The following SGTA variants were observed in gnomAD, a reference collection of about 807,000 sequenced individuals.
The protein encoded by SGTA is small glutamine rich tetratricopeptide repeat co-chaperone alpha.
SGTA carries 22 observed loss-of-function variants against 44.3 expected under a neutral mutation model. That is an observed-to-expected ratio of 0.50 (90% confidence interval 0.36 to 0.71). The LOEUF (loss-of-function observed/expected upper bound fraction) is 0.71, where lower values mean the gene tolerates loss of function less well. SGTA is among the 30% of genes least tolerant of loss of function. The pLI is 0.00. For missense variants in SGTA, 341 were observed against 435.9 expected (o/e 0.78, Z 1.94); for synonymous variants, 174 against 177.6 (o/e 0.98, Z 0.16).
At chr19:2,776,596 G>A (rs1915450796) in intron 1 of SGTA, among the ~76,000 whole-genome samples, 1 of 152,174 alleles carries the variant, frequency 6.6e-6, no homozygotes, top group South Asian at 2.1e-4. Flanking sequence ...AGAAACTTCT[G>A]GAGATGATGG....
intron 5 of SGTA, among the ~76,000 whole-genome samples, chr19:2,764,240 C>A (rs985628114): frequency 2.0e-5 from 3 of 152,158 alleles, no homozygotes; most frequent in African/African-American, 7.2e-5. Flanking sequence ...CCATGACAGG[C>A]GGCCAGGAAC....
At chr19:2,782,620 G>T (rs963525117) in intron 1 of SGTA, 2 of 152,224 alleles carry the variant, frequency 1.3e-5, no homozygotes, top group Non-Finnish European at 2.9e-5. Context: ...CTGAATCCCA[G>T]ATTTCCCCCA....
At position 2,761,674 on chromosome 19, in the gene SGTA, AC is replaced by A. The variant is rs1380593035; in HGVS notation, c.637-153del. On this transcript the variant is annotated intron_variant, in intron 7 of 11. Transcript: ENST00000221566. This position sits in a 1 kb window ranked among gnomAD's most constrained non-coding sequence, Gnocchi z 5.7. The stretch of plus-strand genomic sequence containing the variant: ...TGCTTTGAGGCAGGCAGCACGAAGC[AC>A]ATCGCAACCGCCCGGGGACGGCACA... 4 of 671,588 alleles carry A rather than the reference AC, an allele frequency of 6.0e-6. No individual in the cohort carries two copies. The East Asian group carries it at 1.1e-4, about 18-fold the overall frequency. The allele number at this position is 671,588 out of a possible 1,614,324, so 41.6% of individuals were successfully genotyped here.
In SGTA at chr19:2,757,385, C is replaced by G. The variant is rs1397466913; in HGVS notation, c.900G>C (p.Arg300=). 1 of 1,607,138 alleles carries G rather than the reference C, an allele frequency of 6.2e-7. No homozygotes were observed. The highest frequency in any genetic ancestry group is 1.6e-4 in the Middle Eastern group (1 of 6,062). Residue 300 remains arginine, a synonymous_variant, in exon 11 of 12, where the codon CGG becomes CGC. Transcript: ENST00000221566. The part of the protein sequence containing the change: ...ELIEQLRSQI[R]SRTPSASNDD... The stretch of plus-strand genomic sequence containing the variant: ...CGTTGCTGGCGCTGGGCGTCCGACT[C>G]CGGATCTGGCTCCTGAGCTGCTCTA...
intron 6 of SGTA, among the ~76,000 whole-genome samples, chr19:2,762,997 C>A (rs1389192089): frequency 6.6e-6 from 1 of 152,180 alleles, no homozygotes; most frequent in African/African-American, 2.4e-5. Context: ...GCACCAAGGA[C>A]CCTCGGAACC....
chr19:2,757,251 A>G, intron 11 of SGTA, 86 bp downstream of exon 11: 2 of 1,491,818 alleles, frequency 1.3e-6, no homozygotes, highest in Non-Finnish European at 1.8e-6. Flanking sequence ...CCCGGGCGTC[A>G]CTCCTGCTGG....
chr19:2,759,109 A>G (rs9304899), intron 9 of SGTA, 148 bp downstream of exon 9: 185,980 of 649,348 alleles, frequency 0.29, 35,499 homozygotes, highest in East Asian at 0.62. Context: ...ACAGTGTGAT[A>G]GTGGTGACAG....
At chr19:2,759,701 C>T (rs1242791549) in intron 8 of SGTA, among the ~76,000 whole-genome samples, 1 of 152,196 alleles carries the variant, frequency 6.6e-6, no homozygotes, top group East Asian at 1.9e-4. Flanking sequence ...TGGTTCACGC[C>T]TGGAATCCCA....
At position 2,770,538 on chromosome 19, in the gene SGTA, C is replaced by A; in HGVS notation, c.-23-1447G>T. The A allele has an allele frequency of 2.0e-5, 3 of 153,152 alleles. No individual in the cohort carries two copies. The South Asian group carries it at 5.5e-4, about 28-fold the overall frequency. 9.5% of individuals were successfully genotyped at this position (153,152 alleles called of 1,614,324 possible). ...GCTGGCGATGGTGACTCTAAACATTCAGATGTAACAAGCTGCGTGGAGAAG... is the reference window on the plus strand; with the variant it reads ...GCTGGCGATGGTGACTCTAAACATTAAGATGTAACAAGCTGCGTGGAGAAG... On this transcript the variant is annotated intron_variant, in intron 1 of 11. Transcript: ENST00000221566.
chr19:2,767,590 G>A lies in SGTA; in HGVS notation c.197C>T (p.Ala66Val), dbSNP rs767050713. The A allele has an allele frequency of 1.9e-6, 3 of 1,612,672 alleles. No homozygotes were observed. Among genetic ancestry groups the A allele is most frequent in the Non-Finnish European group, 2.5e-6 (3 of 1,179,492 alleles). ...QTLPEIFEAAATGKEMPQDLR... is the reference protein window; with the variant it reads ...QTLPEIFEAAVTGKEMPQDLR... ...AGCATCGAGGCTCACCTTGCCCGTG[G>A]CAGCCGCTTCAAATATCTCCGGCAG... is the stretch of plus-strand genomic sequence containing the variant. Residue 66 changes from alanine to valine, a missense_variant, in exon 3 of 12, where the codon GCC becomes GTC. By Grantham distance (64) the Ala-to-Val change is moderately conservative (BLOSUM62 0). Coordinates refer to ENST00000221566, the MANE Select transcript of SGTA (RefSeq NM_003021.4). This position sits in a 1 kb window ranked among gnomAD's most constrained non-coding sequence, Gnocchi z 7.3.
rs373353319 is a variant in SGTA at position 2,763,631 on chromosome 19, G to A, written c.497+22C>T. On this transcript the variant is annotated intron_variant, in intron 6 of 11. Transcript: ENST00000221566. This position sits in a 1 kb window ranked among gnomAD's most constrained non-coding sequence, Gnocchi z 5.8. ...AGGGGTCCCGAGAGACTGGAAAGGC[G>A]CGGCCGTGGACAGGCACTCACCCCA... 1.7e-5 allele frequency: 26 copies of A among 1,556,350 alleles called. No homozygotes were observed. Among genetic ancestry groups the A allele is most frequent in the African/African-American group, 9.5e-5 (7 of 73,726 alleles).
In SGTA at chr19:2,761,404, G is replaced by T; in HGVS notation, c.699+56C>A. 7.0e-7 allele frequency: 1 copy of T among 1,436,382 alleles called. No homozygotes were observed. Among genetic ancestry groups the T allele is most frequent in the Non-Finnish European group, 9.6e-7 (1 of 1,043,714 alleles). 89.0% of individuals were successfully genotyped at this position (1,436,382 alleles called of 1,614,324 possible). ...CTGGCCAGTAGCGGACACAGCAGAT[G>T]CGGGCCTGGGGGGTGGCGCAGACAC... is the stretch of plus-strand genomic sequence containing the variant. On this transcript the variant is annotated intron_variant, in intron 8 of 11. Transcript: ENST00000221566. The surrounding 1 kb of genome is among the most constrained non-coding windows in gnomAD (Gnocchi z 5.7).
At chr19:2,757,231 C>T in intron 11 of SGTA, 106 bp downstream of exon 11, 1 of 1,378,038 alleles carries the variant, frequency 7.3e-7, no homozygotes, top group Non-Finnish European at 9.8e-7. Context: ...TCCAGACAGG[C>T]TCCACAGCCC....
intron 2 of SGTA, among the ~76,000 whole-genome samples, chr19:2,768,405 G>A (rs73518608): frequency 0.048 from 7,246 of 152,280 alleles, 324 homozygotes; most frequent in South Asian, 0.14. Context: ...GGACACAGGT[G>A]AGCGAGGCAT....
At chr19:2,757,909 T>C (rs528376413) in intron 9 of SGTA, 127 bp from the exon 10 acceptor site, 89 of 606,178 alleles carry the variant, frequency 1.5e-4, no homozygotes, top group African/African-American at 1.5e-3. Context: ...GAGGATTCTC[T>C]CTCACCACCT....
chr19:2,757,705 C>G lies in SGTA; in HGVS notation c.815G>C (p.Ser272Thr), dbSNP rs1250239822. 6.3e-7 allele frequency: 1 copy of G among 1,588,422 alleles called. No homozygotes were observed. The highest frequency in any genetic ancestry group is 8.6e-7 in the Non-Finnish European group (1 of 1,168,820). ...CAGTTCCACTCACGCCTGGATGAGG[C>G]TGGCCAGGTCGTTCTGCGAGGGGCT... ...GTSPSQNDLA[S>T]LIQAGQQFAQ... is the part of the protein sequence containing the mutation. Residue 272 changes from serine to threonine, a missense_variant, in exon 10 of 12, where the codon AGC becomes ACC. Ser to Thr is a moderately conservative substitution (Grantham distance 58). Transcript: ENST00000221566.
At position 2,761,638 on chromosome 19, in the gene SGTA, C is replaced by CG; in HGVS notation, c.637-117dup. 1.2e-6 allele frequency: 1 copy of CG among 850,654 alleles called. No individual in the cohort carries two copies. The highest frequency in any genetic ancestry group is 1.9e-6 in the Non-Finnish European group (1 of 528,896). 52.7% of individuals were successfully genotyped at this position (850,654 alleles called of 1,614,324 possible). A position where few individuals can be genotyped will look rare whatever the true frequency, so the allele number is the denominator to read the frequency against. ...GGGCTCAGACATTCTATCAACCCTGCGGCCAGAGGGTGCTTTGAGGCAGGC... is the reference window on the plus strand; with the variant it reads ...GGGCTCAGACATTCTATCAACCCTGCGGGCCAGAGGGTGCTTTGAGGCAGGC... On this transcript the variant is annotated intron_variant, in intron 7 of 11. Transcript: ENST00000221566. The surrounding 1 kb of genome is among the most constrained non-coding windows in gnomAD (Gnocchi z 5.7).
intron 9 of SGTA, 128 bp downstream of exon 9, chr19:2,759,112 GGTGACAGTTGCATGACA>G (rs1914911863): frequency 1.5e-6 from 1 of 686,852 alleles, no homozygotes; most frequent in Non-Finnish European, 2.5e-6. Context: ...GTGTGATAGT[GGTGACAGTTGCATGACA>G]GTGTGAAAGT....
Position 2,767,655 on chromosome 19 carries a change from C to G in SGTA, c.132G>C (p.Gly44=). ...VAIQCLETAF[G]VTVEDSDLAL... ...CAAGGTCACTGTCTTCTACCGTCACCCCAAACGCAGTCTCCAGGCACTGGA... is the reference window on the plus strand; with the variant it reads ...CAAGGTCACTGTCTTCTACCGTCACGCCAAACGCAGTCTCCAGGCACTGGA... Residue 44 remains glycine (G), a synonymous_variant, in exon 3 of 12, where the codon GGG becomes GGC. Coordinates refer to ENST00000221566, the MANE Select transcript of SGTA (RefSeq NM_003021.4). This position sits in a 1 kb window ranked among gnomAD's most constrained non-coding sequence, Gnocchi z 7.3. 2.9e-5 allele frequency: 46 copies of G among 1,613,760 alleles called. No homozygotes were observed. The highest frequency in any genetic ancestry group is 3.4e-5 in the Non-Finnish European group (40 of 1,179,970).
Sources: allele counts gnomAD v4.1 joint callset (sites outside exome capture counted in the v4.1 genomes callset), GRCh38; gene constraint gnomAD v4.1.1; non-coding constraint Gnocchi (gnomAD v3.1); transcripts MANE v1.5; gene names NCBI Gene and HGNC (gene_info 2026-07-23, HGNC 2026-07-21).